Variants in MAP4K3 observed in about 807,000 individuals in gnomAD.
MAP4K3 encodes the protein MAPK/ERK kinase kinase kinase 3.
In MAP4K3, 94 loss-of-function variants were observed where a neutral mutation model predicts 143.5. That is an observed-to-expected ratio of 0.65 (90% CI 0.55 to 0.78). MAP4K3 has a LOEUF of 0.78. Ranked by LOEUF, MAP4K3 falls within the 30% of genes least tolerant of loss-of-function variation. The pLI is 0.00. For synonymous variants in MAP4K3, 416 were observed against 347.2 expected (o/e 1.20, Z -2.20); for missense variants, 1,077 against 1,068.1 (o/e 1.01, Z -0.12).
chr2:39,255,027 C>T (rs1680292427), intron 31 of MAP4K3, among the ~76,000 whole-genome samples: 2 of 152,172 alleles, frequency 1.3e-5, no homozygotes, highest in Admixed American at 6.5e-5. Context: ...CCCCTATGTA[C>T]CCTGCCCTAT....
rs185561833 is a variant in MAP4K3, at chr2:39,375,498, A to G, written c.154+2568T>C. Among the ~76,000 whole-genome samples, 516 of 152,352 alleles carry G rather than the reference A, an allele frequency of 3.4e-3. 2 individuals carry two copies. The highest frequency in any genetic ancestry group is 5.6e-3 in the Non-Finnish European group (378 of 68,030). ...CCACAGAAAATTACAAGGAAAAAAG[A>G]TAAAAAGAAATTAAGTGGGAACCTA... On this transcript the variant is annotated intron_variant, in intron 2 of 33. Coordinates refer to ENST00000263881, the MANE Select transcript of MAP4K3 (RefSeq NM_003618.4).
chr2:39,323,537 A>G (rs1683388882), intron 12 of MAP4K3: 1 of 152,246 alleles, frequency 6.6e-6, no homozygotes, highest in South Asian at 2.1e-4. Flanking sequence ...CATGGTTCAA[A>G]TAACAGTTAC....
Position 39,250,730 on chromosome 2 carries a change from CA to C in MAP4K3, c.2598-26del, listed in dbSNP as rs772991510. The stretch of plus-strand genomic sequence containing the variant: ...CCTGAAAGTAATAAAAAACATATAA[CA>C]AAACAAAGTTATTCCTGAAAATTAA... On this transcript the variant is annotated intron_variant, in intron 33 of 33. Coordinates refer to ENST00000263881, the MANE Select transcript of MAP4K3 (RefSeq NM_003618.4). The C allele has an allele frequency of 1.3e-5, 20 of 1,589,032 alleles. No homozygotes were observed. In the Admixed American group the frequency reaches 2.2e-4, roughly 17 times the overall value.
intron 20 of MAP4K3, among the ~76,000 whole-genome samples, chr2:39,287,609 C>G (rs1159337113): frequency 6.6e-6 from 1 of 152,000 alleles, no homozygotes; most frequent in Non-Finnish European, 1.5e-5. Flanking sequence ...AGCCTAGTTG[C>G]TCTTTTTTAA....
At chr2:39,415,952 CAAAAAAAAAA>C (rs1192060497) in intron 1 of MAP4K3, among the ~76,000 whole-genome samples, 2 of 2,658 alleles carry the variant, frequency 7.5e-4, no homozygotes, top group African/African-American at 8.7e-4. Context: ...GGCTCTGTCT[CAAAAAAAAAA>C]AAAAAAAAAA....
At chr2:39,319,537 T>G (rs1683234671) in intron 12 of MAP4K3, among the ~76,000 whole-genome samples, 2 of 152,174 alleles carry the variant, frequency 1.3e-5, no homozygotes, top group African/African-American at 4.8e-5. Context: ...CCCCCTTGTG[T>G]ACGTCAAGGG....
At position 39,437,081 on chromosome 2, in the gene MAP4K3, G is replaced by A. The variant is rs1665515485; in HGVS notation, c.-94C>T. On this transcript the variant is annotated 5_prime_UTR_variant, in exon 1 of 34. Coordinates refer to ENST00000263881, the MANE Select transcript of MAP4K3 (RefSeq NM_003618.4). ...AGAGAGGGCGCCGCGGCCGGCTCCC[G>A]GCTCCCCCGGCGGTCACAATCACCC... is the stretch of plus-strand genomic sequence containing the variant. The A allele has an allele frequency of 1.1e-6, 1 of 889,720 alleles. No homozygotes were observed. Among genetic ancestry groups the A allele is most frequent in the Non-Finnish European group, 1.6e-6 (1 of 614,856 alleles). The allele number at this position is 889,720 out of a possible 1,614,324, so 55.1% of individuals were successfully genotyped here.
At chr2:39,401,683 C>G (rs577201778) in intron 1 of MAP4K3, among the ~76,000 whole-genome samples, 1 of 152,176 alleles carries the variant, frequency 6.6e-6, no homozygotes, top group East Asian at 1.9e-4. Context: ...TGCCTGTAGT[C>G]TCAGCTGCTT....
At chr2:39,343,975 A>G (rs1214182078) in intron 3 of MAP4K3, among the ~76,000 whole-genome samples, 1 of 152,198 alleles carries the variant, frequency 6.6e-6, no homozygotes, top group African/African-American at 2.4e-5. Flanking sequence ...ATATAGTCAT[A>G]GGAGAAATAA....
chr2:39,324,451 T>C (rs1225299821), intron 12 of MAP4K3, among the ~76,000 whole-genome samples: 3 of 151,978 alleles, frequency 2.0e-5, no homozygotes, highest in African/African-American at 2.4e-5. Flanking sequence ...CAGAGTATAA[T>C]TATAAGATTA....
intron 1 of MAP4K3, among the ~76,000 whole-genome samples, chr2:39,403,209 C>T (rs1666997208): frequency 6.6e-6 from 1 of 152,100 alleles, no homozygotes. Context: ...CAGGACTCCA[C>T]CCACTGACAC....
chr2:39,370,300 T>C (rs550877959), intron 2 of MAP4K3, among the ~76,000 whole-genome samples: 46 of 152,228 alleles, frequency 3.0e-4, no homozygotes, highest in Non-Finnish European at 5.1e-4. Flanking sequence ...ATAATTATCA[T>C]GAATGATGTA....
intron 1 of MAP4K3, among the ~76,000 whole-genome samples, chr2:39,408,639 CAA>C (rs139980257): frequency 2.9e-5 from 4 of 135,928 alleles, no homozygotes; most frequent in Admixed American, 7.4e-5. Context: ...GCAGATATGG[CAA>C]AAAAAAAAAA....
At chr2:39,400,027 C>T (rs1666911571) in intron 1 of MAP4K3, among the ~76,000 whole-genome samples, 1 of 152,146 alleles carries the variant, frequency 6.6e-6, no homozygotes, top group Admixed American at 6.5e-5. Flanking sequence ...AGCTCAGACC[C>T]ATATAACCAA....
At chr2:39,285,686 CCATAG>C (rs1332816375) in intron 21 of MAP4K3, among the ~76,000 whole-genome samples, 1 of 152,112 alleles carries the variant, frequency 6.6e-6, no homozygotes, top group Non-Finnish European at 1.5e-5. Flanking sequence ...ACTGCAGAAA[CCATAG>C]CATACTGAAT....
At chr2:39,305,798 T>C (rs1403587974) in intron 15 of MAP4K3, among the ~76,000 whole-genome samples, 1 of 151,864 alleles carries the variant, frequency 6.6e-6, no homozygotes, top group East Asian at 1.9e-4. Context: ...ACTAGGCTAG[T>C]TCCACATGTG....
rs780697701 is a variant in MAP4K3, at chr2:39,436,934, C to T, written c.54G>A (p.Leu18=). Residue 18 remains leucine, a synonymous_variant, in exon 1 of 34, where the codon CTG becomes CTA. Transcript: ENST00000263881. ...SRRNPQEDFE[L]IQRIGSGTYG... Reference sequence around the variant, plus strand: ...AGGTGCCGCTGCCGATGCGCTGAATCAGCTCGAAGTCCTCCTGCGGGTTCC... The same window carrying T: ...AGGTGCCGCTGCCGATGCGCTGAATTAGCTCGAAGTCCTCCTGCGGGTTCC... 6.2e-7 allele frequency: 1 copy of T among 1,612,900 alleles called. No individual in the cohort carries two copies. The highest frequency in any genetic ancestry group is 1.3e-5 in the African/African-American group (1 of 74,992).
intron 1 of MAP4K3, among the ~76,000 whole-genome samples, chr2:39,391,358 C>CAAAAAAAAAA (rs755777714): frequency 4.8e-4 from 22 of 45,388 alleles, no homozygotes; most frequent in Admixed American, 1.7e-3. Flanking sequence ...GACTCCATCT[C>CAAAAAAAAAA]AAAAAAAAAA....
At chr2:39,324,448 T>A (rs1240024306) in intron 12 of MAP4K3, among the ~76,000 whole-genome samples, 1 of 152,046 alleles carries the variant, frequency 6.6e-6, no homozygotes, top group Admixed American at 6.6e-5. Flanking sequence ...CTTCAGAGTA[T>A]AATTATAAGA....
Sources: gnomAD v4.1 joint callset for allele counts (sites outside exome capture counted in the v4.1 genomes callset) on GRCh38, gnomAD v4.1.1 for gene constraint, MANE v1.5 for transcripts, NCBI Gene and HGNC (gene_info 2026-07-23, HGNC 2026-07-21) for gene names.